The following PRSS23 variants were observed in gnomAD, a reference collection of about 807,000 sequenced individuals.
PRSS23 encodes serine protease 23.
Under a neutral mutation model 34.7 loss-of-function variants are expected in PRSS23, and 25 were observed. That is an observed-to-expected ratio of 0.72 (90% CI 0.53 to 1.01). The LOEUF (loss-of-function observed/expected upper bound fraction) is 1.01. Ranked by LOEUF, PRSS23 falls within the 50% of genes least tolerant of loss-of-function variation. The pLI, the probability that PRSS23 is intolerant of heterozygous loss-of-function variation, is 0.00. For synonymous variants in PRSS23, 176 were observed against 186.6 expected, an observed-to-expected ratio of 0.94 and a Z score of 0.46; for missense variants, 445 against 475.6, an observed-to-expected ratio of 0.94 and a Z score of 0.60.
rs2186616 is a variant in PRSS23, at chr11:86,795,486, C to G, written c.-14+4291C>G. Among the ~76,000 whole-genome samples, 857 of 152,340 alleles carry G rather than the reference C, an allele frequency of 5.6e-3. 10 individuals carry two copies. Among genetic ancestry groups the G allele is most frequent in the African/African-American group, 0.019 (810 of 41,586 alleles). On this transcript the variant is annotated intron_variant, in intron 1 of 1. Coordinates refer to the PRSS23 transcript ENST00000527521. ...TTCACATCCTTTGCTACTCCGGGAT[C>G]CCATGGTAGGCACCGTGGGTGCCCC...
At chr11:86,862,454 T>C (rs1369379475) in intron 2 of PRSS23, among the ~76,000 whole-genome samples, 1 of 151,964 alleles carries the variant, frequency 6.6e-6, no homozygotes, top group Non-Finnish European at 1.5e-5. Context: ...CGTAATACCC[T>C]AGGAGGATGT....
intron 2 of PRSS23, among the ~76,000 whole-genome samples, chr11:86,842,138 C>T (rs1948453249): frequency 1.3e-5 from 2 of 152,184 alleles, no homozygotes; most frequent in South Asian, 4.1e-4. Context: ...ATACACAAAT[C>T]AATAAACGTA....
At chr11:86,895,883 A>T (rs1948872015) in intron 2 of PRSS23, among the ~76,000 whole-genome samples, 1 of 152,196 alleles carries the variant, frequency 6.6e-6, no homozygotes. Flanking sequence ...AGATATGAAG[A>T]TGAATTAACA....
At chr11:86,920,708 C>T (rs528644501) in intron 2 of PRSS23, among the ~76,000 whole-genome samples, 1 of 152,074 alleles carries the variant, frequency 6.6e-6, no homozygotes, top group East Asian at 1.9e-4. Flanking sequence ...GACTCAATTC[C>T]CTCCCCTTCC....
At chr11:86,832,794 T>C in intron 2 of PRSS23, 1 of 292,364 alleles carries the variant, frequency 3.4e-6, no homozygotes, top group East Asian at 8.9e-5. Context: ...GAGGAAACAA[T>C]TTTATAGTAA....
At chr11:86,929,679 A>G (rs1477992438) in intron 2 of PRSS23, among the ~76,000 whole-genome samples, 4 of 152,236 alleles carry the variant, frequency 2.6e-5, no homozygotes, top group African/African-American at 9.6e-5. Flanking sequence ...TGTACCAGCA[A>G]TTTGGTTTCC....
intron 2 of PRSS23, among the ~76,000 whole-genome samples, chr11:86,839,344 T>C (rs1279848492): frequency 6.7e-6 from 1 of 150,028 alleles, no homozygotes; most frequent in Non-Finnish European, 1.5e-5. Flanking sequence ...AACTTCATGA[T>C]GCATGCGTTA....
At chr11:86,903,885 A>G (rs934618536) in intron 2 of PRSS23, among the ~76,000 whole-genome samples, 3 of 152,216 alleles carry the variant, frequency 2.0e-5, no homozygotes, top group Admixed American at 2.0e-4. Flanking sequence ...TCTTGAAGTG[A>G]GGATTAAGAT....
intron 2 of PRSS23, among the ~76,000 whole-genome samples, chr11:86,925,261 T>C (rs899507416): frequency 2.0e-5 from 3 of 151,916 alleles, no homozygotes; most frequent in Non-Finnish European, 4.4e-5. Flanking sequence ...ATTACCCAAG[T>C]GAAAACTGCA....
intron 2 of PRSS23, among the ~76,000 whole-genome samples, chr11:86,854,736 A>C (rs2134923434): frequency 6.6e-6 from 1 of 152,336 alleles, no homozygotes; most frequent in South Asian, 2.1e-4. Context: ...TGTGGAAATC[A>C]AGTTTCTCCA....
rs71274421 is a variant in PRSS23 at position 86,834,553 on chromosome 11, T to TTTTCCTTTCCTTTCCTTTCC, written c.206+11002_206+11021dup. 1.7e-3 allele frequency among the ~76,000 whole-genome samples: 137 copies of TTTTCCTTTCCTTTCCTTTCC among 81,002 alleles called. 1 individual carries two copies. Among genetic ancestry groups the TTTTCCTTTCCTTTCCTTTCC allele is most frequent in the Non-Finnish European group, 1.6e-3 (65 of 41,908 alleles). 53.1% of individuals were successfully genotyped at this position (81,002 alleles called of 152,430 possible). A position where few individuals can be genotyped will look rare whatever the true frequency, so the allele number is the denominator to read the frequency against. ...TTCCTTTCCTTTCCTTTCCTTTCCT[T>TTTTCCTTTCCTTTCCTTTCC]TTTCCTTTCCTTTCCTTTCCTTTCC... is the stretch of plus-strand genomic sequence containing the variant. On this transcript the variant is annotated intron_variant, in intron 2 of 2. Transcript: ENST00000533902.
chr11:86,878,991 C>T (rs1948747320), intron 2 of PRSS23, among the ~76,000 whole-genome samples: 1 of 134,534 alleles, frequency 7.4e-6, no homozygotes, highest in Non-Finnish European at 1.6e-5. Context: ...CGTCTCTGCC[C>T]GGCCGCCATC....
chr11:86,889,205 G>T (rs1948825077), intron 2 of PRSS23, among the ~76,000 whole-genome samples: 2 of 152,150 alleles, frequency 1.3e-5, no homozygotes, highest in Admixed American at 6.6e-5. Flanking sequence ...TGGCCTTTTT[G>T]TACGGGAGTG....
intron 2 of PRSS23, among the ~76,000 whole-genome samples, chr11:86,869,267 G>T (rs75216473): frequency 0.018 from 2,762 of 152,248 alleles, 48 homozygotes; most frequent in Non-Finnish European, 0.03. Flanking sequence ...ATAATAACAT[G>T]AGGGAGACTA....
intron 1 of PRSS23, among the ~76,000 whole-genome samples, chr11:86,792,801 G>C (rs1947959229): frequency 6.6e-6 from 1 of 152,206 alleles, no homozygotes; most frequent in Non-Finnish European, 1.5e-5. Flanking sequence ...CAAAAAAAAA[G>C]CACAGAGCAC....
chr11:86,830,477 G>A (rs555062922), intron 2 of PRSS23, among the ~76,000 whole-genome samples: 28 of 152,154 alleles, frequency 1.8e-4, no homozygotes, highest in Middle Eastern at 3.4e-3. Context: ...GCTTCAGCTC[G>A]CACATGGTGC....
intron 1 of PRSS23, among the ~76,000 whole-genome samples, chr11:86,802,478 GTTCATTC>G (rs1359251398): frequency 6.6e-6 from 1 of 152,168 alleles, no homozygotes; most frequent in Admixed American, 6.5e-5. Context: ...ACAGAGCTTG[GTTCATTC>G]TTAAGCATTT....
intron 2 of PRSS23, among the ~76,000 whole-genome samples, chr11:86,879,817 A>G (rs1239770582): frequency 7.1e-5 from 4 of 56,496 alleles, no homozygotes; most frequent in East Asian, 7.7e-4. Flanking sequence ...TCCGGGAGGG[A>G]GGTGGGGGGG....
chr11:86,880,741 C>G (rs1015997375), intron 2 of PRSS23, among the ~76,000 whole-genome samples: 1 of 152,158 alleles, frequency 6.6e-6, no homozygotes, highest in African/African-American at 2.4e-5. Context: ...TGAGAACATG[C>G]AGCATTTGGT....
Sources: allele counts gnomAD v4.1 joint callset (sites outside exome capture counted in the v4.1 genomes callset), GRCh38; gene constraint gnomAD v4.1.1; transcripts MANE v1.5; gene names NCBI Gene and HGNC (gene_info 2026-07-23, HGNC 2026-07-21).